The following BAIAP2 variants were observed in gnomAD, a reference collection of about 807,000 sequenced individuals.
BAIAP2 encodes BAR/IMD domain containing adaptor protein 2.
BAIAP2 carries 18 observed loss-of-function variants against 63.0 expected under a neutral mutation model. The ratio of observed to expected loss-of-function variants is 0.29; its 90% CI spans 0.20 to 0.42. BAIAP2 has a LOEUF of 0.42. Ranked by LOEUF, BAIAP2 falls within the 10% of genes least tolerant of loss-of-function variation. The pLI is 1.00. For missense variants in BAIAP2, 610 were observed against 734.3 expected (o/e 0.83, Z 1.96); for synonymous variants, 386 against 307.6 (o/e 1.25, Z -2.67).
intron 4 of BAIAP2, chr17:81,085,381 C>T (rs1383015157): frequency 1.6e-6 from 1 of 620,642 alleles, no homozygotes; most frequent in East Asian, 2.9e-5. Context: ...CATGGGACAG[C>T]AGAGGAAGGA....
intron 3 of BAIAP2, among the ~76,000 whole-genome samples, chr17:81,073,405 T>C (rs2053055531): frequency 6.6e-6 from 1 of 152,196 alleles, no homozygotes; most frequent in Admixed American, 6.5e-5. Flanking sequence ...GCCGCCAGCC[T>C]TCTTCCTGGG....
intron 3 of BAIAP2, among the ~76,000 whole-genome samples, chr17:81,066,013 G>A (rs547175426): frequency 2.6e-5 from 4 of 152,234 alleles, no homozygotes; most frequent in Non-Finnish European, 5.9e-5. Flanking sequence ...GGTCAGACCC[G>A]CATGTCCAGC....
At chr17:81,070,022 C>T (rs779858375) in intron 3 of BAIAP2, among the ~76,000 whole-genome samples, 22 of 152,214 alleles carry the variant, frequency 1.4e-4, no homozygotes, top group Middle Eastern at 6.8e-3. Flanking sequence ...AGTGTGGTGG[C>T]GCAGTCATAC....
At chr17:81,081,612 C>T (rs767528229) in intron 3 of BAIAP2, among the ~76,000 whole-genome samples, 2 of 152,188 alleles carry the variant, frequency 1.3e-5, no homozygotes, top group Non-Finnish European at 2.9e-5. Flanking sequence ...AAATTCTGTC[C>T]TCTTTGTCCT....
chr17:81,111,511 G>A (rs528748461), intron 13 of BAIAP2, among the ~76,000 whole-genome samples: 62 of 152,352 alleles, frequency 4.1e-4, no homozygotes, highest in African/African-American at 1.4e-3. Context: ...TGTCCCCCAA[G>A]CCCCACAACG....
intron 3 of BAIAP2, among the ~76,000 whole-genome samples, chr17:81,062,572 C>T (rs189515433): frequency 5.1e-4 from 77 of 152,244 alleles, no homozygotes; most frequent in African/African-American, 1.8e-3. Flanking sequence ...GTGGGCTGCT[C>T]GGCCGTGCAG....
chr17:81,077,718 G>A (rs1356048729), intron 3 of BAIAP2, among the ~76,000 whole-genome samples: 1 of 152,262 alleles, frequency 6.6e-6, no homozygotes, highest in African/African-American at 2.4e-5. Context: ...GGGAGCGGGT[G>A]CCGTCTCAGG....
intron 3 of BAIAP2, among the ~76,000 whole-genome samples, chr17:81,060,218 G>A (rs2050310355): frequency 6.6e-6 from 1 of 152,182 alleles, no homozygotes; most frequent in African/African-American, 2.4e-5. Context: ...CCCCATTAGA[G>A]TGTACAGTTC....
intron 13 of BAIAP2, chr17:81,109,451 T>C (rs2059631014): frequency 1.0e-6 from 1 of 985,796 alleles, no homozygotes; most frequent in Non-Finnish European, 1.2e-6. Context: ...CAAAAACCGA[T>C]CTGCATGGAC....
intron 1 of BAIAP2, among the ~76,000 whole-genome samples, chr17:81,040,772 G>A (rs1286416335): frequency 6.6e-6 from 1 of 152,254 alleles, no homozygotes; most frequent in Non-Finnish European, 1.5e-5. Flanking sequence ...GTTTCCCAGG[G>A]CTGTGGGCAG....
chr17:81,079,260 T>G (rs920210070), intron 3 of BAIAP2, among the ~76,000 whole-genome samples: 1 of 152,152 alleles, frequency 6.6e-6, no homozygotes, highest in African/African-American at 2.4e-5. Flanking sequence ...CTCAGACCTG[T>G]CCACAGGAGG....
At chr17:81,048,474 C>G (rs140495863) in intron 1 of BAIAP2, among the ~76,000 whole-genome samples, 1 of 151,662 alleles carries the variant, frequency 6.6e-6, no homozygotes, top group South Asian at 2.1e-4. Context: ...TGTAAATGTA[C>G]TGGCCACTCT....
At chr17:81,090,608 C>T (rs1476686795) in intron 6 of BAIAP2, among the ~76,000 whole-genome samples, 1 of 152,242 alleles carries the variant, frequency 6.6e-6, no homozygotes, top group Non-Finnish European at 1.5e-5. Context: ...GAGCCACACC[C>T]CGGTGTGCTT....
At chr17:81,100,415 G>A (rs934326345) in intron 7 of BAIAP2, among the ~76,000 whole-genome samples, 1 of 152,162 alleles carries the variant, frequency 6.6e-6, no homozygotes, top group African/African-American at 2.4e-5. Context: ...GGCAGGGGAC[G>A]GTCATGCTCC....
chr17:81,082,272 G>A (rs986559662), intron 3 of BAIAP2, among the ~76,000 whole-genome samples: 3 of 152,198 alleles, frequency 2.0e-5, no homozygotes, highest in Non-Finnish European at 4.4e-5. Context: ...GCTTGTGCGT[G>A]CCCACTCACA....
Position 81,110,776 on chromosome 17 carries a change from G to T in BAIAP2, c.1535+2267G>T, listed in dbSNP as rs2059830894. ...CGCAGGCGCCGTCCAGGGAGAGCCA[G>T]AGCCCCAGCTGTGTGCCGACTCCGA... On this transcript the variant is annotated intron_variant, in intron 13 of 13. Transcript: ENST00000428708. The T allele has an allele frequency of 4.6e-6, 6 of 1,291,384 alleles. No homozygotes were observed. The South Asian group carries it at 6.1e-5, about 13-fold the overall frequency. The allele number at this position is 1,291,384 out of a possible 1,614,324, so 80.0% of individuals were successfully genotyped here. A position where few individuals can be genotyped will look rare whatever the true frequency, so the allele number is the denominator to read the frequency against.
intron 6 of BAIAP2, among the ~76,000 whole-genome samples, chr17:81,093,831 G>T (rs935029829): frequency 6.6e-6 from 1 of 152,208 alleles, no homozygotes; most frequent in African/African-American, 2.4e-5. Flanking sequence ...TAATAGCAGG[G>T]CCGGTGATCG....
At chr17:81,044,796 C>G (rs9901252) in intron 1 of BAIAP2, among the ~76,000 whole-genome samples, 1 of 152,234 alleles carries the variant, frequency 6.6e-6, no homozygotes, top group African/African-American at 2.4e-5. Context: ...AAGGTTTCCA[C>G]GGGGACAGCT....
At chr17:81,098,308 A>ACTCTCTCCCCCAAACTCCCC in intron 6 of BAIAP2, 11 of 745,108 alleles carry the variant, frequency 1.5e-5, no homozygotes, top group Non-Finnish European at 2.0e-5. Context: ...CTTCTTCGCC[A>ACTCTCTCCCCCAAACTCCCC]CTCTCTCCCC....
Sources: allele counts gnomAD v4.1 joint callset (sites outside exome capture counted in the v4.1 genomes callset), GRCh38; gene constraint gnomAD v4.1.1; transcripts MANE v1.5; gene names NCBI Gene and HGNC (gene_info 2026-07-23, HGNC 2026-07-21).